FN1: variants seen among roughly 807,000 people sequenced by gnomAD.
FN1 encodes the protein fibronectin.
Under a neutral mutation model 297.3 loss-of-function variants are expected in FN1, and 106 were observed. The observed-to-expected ratio is 0.36, with a 90% CI of 0.30 to 0.42. The LOEUF (loss-of-function observed/expected upper bound fraction) is 0.42, where lower values mean the gene tolerates loss of function less well. Among genes scored for constraint, FN1 ranks in the 10% least tolerant of loss-of-function variants. The pLI, the probability that FN1 is intolerant of heterozygous loss-of-function variation, is 1.00. For missense variants in FN1, 2,690 were observed against 3,124.9 expected (o/e 0.86, Z 3.32); for synonymous variants, 1,149 against 1,152.6 (o/e 1.00, Z 0.06).
In FN1 at chr2:215,435,950, G is replaced by C; in HGVS notation, c.-148C>G. 1 of 1,430,612 alleles carries C rather than the reference G, an allele frequency of 7.0e-7. No homozygotes were observed. 88.6% of individuals were successfully genotyped at this position (1,430,612 alleles called of 1,614,324 possible). A position where few individuals can be genotyped will look rare whatever the true frequency, so the allele number is the denominator to read the frequency against. ...GTGGGGGCCAGAGGGTGGGGAAGGGGACGGGTGGAGGGACAGAAGGGATGC... is the reference window on the plus strand; with the variant it reads ...GTGGGGGCCAGAGGGTGGGGAAGGGCACGGGTGGAGGGACAGAAGGGATGC... On this transcript the variant is annotated 5_prime_UTR_variant, in exon 1 of 46. Transcript: ENST00000354785.
intron 23 of FN1, among the ~76,000 whole-genome samples, chr2:215,395,539 C>CAA (rs5838509): frequency 0.028 from 3,738 of 134,818 alleles, 177 homozygotes; most frequent in African/African-American, 0.096. Flanking sequence ...GACTCTGTCT[C>CAA]AAAAAAAAAA....
chr2:215,394,437 T>C (rs573976638), intron 24 of FN1, 91 bp downstream of exon 24: 14 of 1,120,112 alleles, frequency 1.2e-5, no homozygotes, highest in Middle Eastern at 5.7e-4. Flanking sequence ...CCAAATATAG[T>C]TGACACCCTT....
At chr2:215,370,622 G>T in intron 40 of FN1, 190 bp from the exon 41 acceptor site, 1 of 586,450 alleles carries the variant, frequency 1.7e-6, no homozygotes, top group Non-Finnish European at 3.0e-6. Context: ...AACAAGGATA[G>T]GGGCCATCGT....
rs772288627 is a variant in FN1, at chr2:215,373,327, T to G, written c.6242A>C (p.Lys2081Thr). The G allele has an allele frequency of 6.2e-6, 10 of 1,612,200 alleles. No individual in the cohort carries two copies. The East Asian group carries it at 2.0e-4, about 32-fold the overall frequency. ...QKSEPLIGRK[K>T]TDELPQLVTL... The stretch of plus-strand genomic sequence containing the variant: ...TACCTGCAAGATACTCTTACCTGTC[T>G]TTTTCCTTCCAATCAGGGGCTCGCT... Residue 2081 changes from lysine (K) to threonine (T), a missense_variant, in exon 39 of 46, where the codon AAG becomes ACG. Coordinates refer to ENST00000354785, the MANE Select transcript of FN1 (RefSeq NM_212482.4).
Position 215,428,328 on chromosome 2 carries a change from G to C in FN1, c.696C>G (p.Asn232Lys). 6.2e-7 allele frequency: 1 copy of C among 1,613,966 alleles called. No homozygotes were observed. The highest frequency in any genetic ancestry group is 8.5e-7 in the Non-Finnish European group (1 of 1,179,964). The change falls in exon 6 of 46, where the codon AAC becomes AAG. Residue 232 changes from asparagine to lysine, a missense_variant. By Grantham distance (94) the Asn-to-Lys change is moderately conservative (BLOSUM62 0). This residue lies in a region of FN1 where 876 missense variants were observed against 1,058.1 expected (regional missense o/e 0.83). Transcript: ENST00000354785. ...TATAGGATGTCCTTGTGTCCTGATC[G>C]TTGCATCTATCTGTGTCACAAAGGA... ...RITCTSRNRC[N>K]DQDTRTSYRI...
chr2:215,420,769 C>T lies in FN1; in HGVS notation c.1579G>A (p.Val527Met), dbSNP rs146348428. 1.2e-5 allele frequency: 19 copies of T among 1,613,914 alleles called. No individual in the cohort carries two copies. Among genetic ancestry groups the T allele is most frequent in the Non-Finnish European group, 1.6e-5 (19 of 1,179,946 alleles). ...TGACGCTTGTGGAATGTGTCGTTCA[C>T]ATTGTAAGTGATGTCATCAACAATG... ...QCIVDDITYN[V>M]NDTFHKRHEE... Residue 527 changes from valine (V) to methionine (M), a missense_variant, in exon 11 of 46, where the codon GTG becomes ATG. Val to Met is a conservative substitution (Grantham distance 21). Transcript: ENST00000354785.
At chr2:215,390,065 A>G (rs1014037118) in intron 26 of FN1, among the ~76,000 whole-genome samples, 1 of 152,202 alleles carries the variant, frequency 6.6e-6, no homozygotes, top group African/African-American at 2.4e-5. Context: ...AAAGCCCCCT[A>G]CAAAAGTTTG....
intron 26 of FN1, among the ~76,000 whole-genome samples, chr2:215,390,044 A>G (rs954520799): frequency 4.6e-5 from 7 of 152,216 alleles, no homozygotes; most frequent in African/African-American, 1.7e-4. Context: ...TTTGCCCTTC[A>G]GCGTTTCTAT....
At position 215,386,856 on chromosome 2, in the gene FN1, C is replaced by T. The variant is rs369288293; in HGVS notation, c.4445G>A (p.Arg1482His). ...PRATITGYRI[R>H]HHPEHFSGRP... ...CCCACTGAAGTGCTCGGGATGATGGCGGATCCTGTAGCCAGTGATGGTGGC... is the reference window on the plus strand; with the variant it reads ...CCCACTGAAGTGCTCGGGATGATGGTGGATCCTGTAGCCAGTGATGGTGGC... The change falls in exon 28 of 46, where the codon CGC becomes CAC. Residue 1482 changes from arginine (R) to histidine (H), a missense_variant. This residue lies in a region of FN1 where 1,743 missense variants were observed against 1,945.2 expected (regional missense o/e 0.90). Transcript: ENST00000354785. 25 of 1,613,746 alleles carry T rather than the reference C, an allele frequency of 1.5e-5. No individual in the cohort carries two copies. The highest frequency in any genetic ancestry group is 3.3e-4 in the Middle Eastern group (2 of 6,082).
In FN1 at chr2:215,408,209, A is replaced by G; in HGVS notation, c.2429-12T>C. On this transcript the variant is annotated splice_polypyrimidine_tract_variant and intron_variant, in intron 16 of 45. Coordinates refer to ENST00000354785, the MANE Select transcript of FN1 (RefSeq NM_212482.4). Reference sequence around the variant, plus strand: ...AGGGGCATCAGGCGCTAAGAAAGAAAGAAAGTGGGGCAAACAGTCAGGAAG... The same window carrying G: ...AGGGGCATCAGGCGCTAAGAAAGAAGGAAAGTGGGGCAAACAGTCAGGAAG... 1 of 1,613,932 alleles carries G rather than the reference A, an allele frequency of 6.2e-7. No homozygotes were observed. The highest frequency in any genetic ancestry group is 8.5e-7 in the Non-Finnish European group (1 of 1,179,840).
intron 44 of FN1, among the ~76,000 whole-genome samples, chr2:215,363,964 A>T (rs905307194): frequency 3.9e-5 from 6 of 152,160 alleles, no homozygotes; most frequent in Non-Finnish European, 2.9e-5. Flanking sequence ...ACCAAAGCCC[A>T]CCTGGGCCAG....
intron 13 of FN1, among the ~76,000 whole-genome samples, chr2:215,411,665 CTTTTTTT>C (rs11367419): frequency 8.3e-6 from 1 of 120,176 alleles, no homozygotes; most frequent in African/African-American, 2.9e-5. Flanking sequence ...ATTCAATGTA[CTTTTTTT>C]TTTTTTTTTT....
Position 215,422,370 on chromosome 2 carries a change from A to G in FN1, c.1394-127T>C, listed in dbSNP as rs1250248. 0.75 allele frequency: 710,537 copies of G among 948,840 alleles called. 268,123 individuals are homozygous for G. Among genetic ancestry groups the G allele is most frequent in the East Asian group, 0.94 (39,085 of 41,726 alleles). The allele number at this position is 948,840 out of a possible 1,614,324, so 58.8% of individuals were successfully genotyped here. On this transcript the variant is annotated intron_variant, in intron 9 of 45. Transcript: ENST00000354785. ...TCACTTGGGAAGAAGCTTTGTGTGC[A>G]TCAAAGACATCTAAGTGCTGTCAGG...
intron 18 of FN1, 33 bp downstream of exon 18, chr2:215,407,094 A>G (rs896872371): frequency 1.2e-5 from 18 of 1,530,738 alleles, no homozygotes; most frequent in Non-Finnish European, 1.6e-5. Flanking sequence ...TCCTGATAAG[A>G]TAACATAGGA....
intron 13 of FN1, among the ~76,000 whole-genome samples, chr2:215,414,274 A>G (rs1325102984): frequency 2.0e-5 from 3 of 152,218 alleles, no homozygotes; most frequent in Admixed American, 1.3e-4. Flanking sequence ...TTAGGAAATC[A>G]CAGGGCTATT....
chr2:215,411,727 C>A (rs532355551), intron 13 of FN1, among the ~76,000 whole-genome samples: 3 of 146,526 alleles, frequency 2.0e-5, no homozygotes, highest in Admixed American at 1.4e-4. Flanking sequence ...AGTGCAGTGG[C>A]GTGATCCTGG....
At chr2:215,402,925 G>C (rs1378451839) in intron 20 of FN1, among the ~76,000 whole-genome samples, 1 of 152,066 alleles carries the variant, frequency 6.6e-6, no homozygotes, top group African/African-American at 2.4e-5. Flanking sequence ...CATTAAAAAT[G>C]CTTTTTCTTT....
At chr2:215,385,480 C>T (rs1249365099) in intron 28 of FN1, among the ~76,000 whole-genome samples, 7 of 149,250 alleles carry the variant, frequency 4.7e-5, no homozygotes, top group Non-Finnish European at 1.0e-4. Context: ...GAGAATTGCT[C>T]GAGCCTGGGA....
At chr2:215,432,049 AGGT>A in intron 3 of FN1, 85 bp from the exon 4 acceptor site, 2 of 1,549,214 alleles carry the variant, frequency 1.3e-6, no homozygotes, top group Non-Finnish European at 1.8e-6. Flanking sequence ...GTAGGTACTT[AGGT>A]TGGCTAAAGT....
Sources: allele counts gnomAD v4.1 joint callset (sites outside exome capture counted in the v4.1 genomes callset), GRCh38; gene constraint gnomAD v4.1.1; regional missense constraint gnomAD v4.1.1; transcripts MANE v1.5; gene names NCBI Gene and HGNC (gene_info 2026-07-23, HGNC 2026-07-21).